Variants in ATP7A observed in about 807,000 individuals in gnomAD.
ATP7A encodes the protein copper-transporting ATPase 1.
Under a neutral mutation model 83.5 loss-of-function variants are expected in ATP7A, and 7 were observed. The ratio of observed to expected loss-of-function variants is 0.08; its 90% CI spans 0.05 to 0.16. The LOEUF (loss-of-function observed/expected upper bound fraction) is 0.16, where lower values mean the gene tolerates loss of function less well. Ranked by LOEUF, ATP7A falls within the 10% of genes least tolerant of loss-of-function variation. The pLI is 1.00. For missense variants in ATP7A, 940 were observed against 1,120.8 expected (o/e 0.84, Z 2.30); for synonymous variants, 354 against 395.2 (o/e 0.90, Z 1.24).
At chrX:78,041,932 G>A (rs1603391023) in intron 19 of ATP7A, among the ~76,000 whole-genome samples, 2 of 109,186 alleles carry the variant, frequency 1.8e-5, no homozygotes, top group South Asian at 8.1e-4. Flanking sequence ...AGCCTGGCCA[G>A]CATGGTGAAA....
intron 2 of ATP7A, among the ~76,000 whole-genome samples, chrX:77,985,474 A>G (rs189752611): frequency 9.0e-6 from 1 of 110,842 alleles, no homozygotes; most frequent in Admixed American, 9.7e-5. Flanking sequence ...TTACGTTGGT[A>G]CTTTATCAGA....
intron 4 of ATP7A, among the ~76,000 whole-genome samples, chrX:77,994,602 C>T (rs1205262203): frequency 4.5e-5 from 5 of 110,370 alleles, no homozygotes; most frequent in African/African-American, 6.6e-5. Context: ...TGCAGTGGCA[C>T]GATCACAGCT....
chrX:78,045,396 T>C (rs1298123837), intron 21 of ATP7A, 74 bp from the exon 22 acceptor site: 1 of 854,936 alleles, frequency 1.2e-6, no homozygotes, highest in African/African-American at 2.0e-5. Context: ...AGAAATGATT[T>C]GTATGTATGT....
At chrX:77,989,048 G>C (rs1369349997) in intron 3 of ATP7A, among the ~76,000 whole-genome samples, 185 bp from the exon 4 acceptor site, 1 of 110,717 alleles carries the variant, frequency 9.0e-6, no homozygotes, top group Non-Finnish European at 1.9e-5. Context: ...AGCTACAGTG[G>C]TCATATCTCT....
At chrX:77,945,270 C>CT (rs1367202413) in intron 1 of ATP7A, among the ~76,000 whole-genome samples, 1 of 111,929 alleles carries the variant, frequency 8.9e-6, no homozygotes, top group African/African-American at 3.2e-5. Context: ...CACTGCCTGC[C>CT]TGGCTCAGGT....
At chrX:77,940,525 A>C (rs782074071) in intron 1 of ATP7A, among the ~76,000 whole-genome samples, 1 of 111,668 alleles carries the variant, frequency 9.0e-6, no homozygotes, top group African/African-American at 3.2e-5. Context: ...TGTAAAGTAC[A>C]AAAGGTACTA....
intron 2 of ATP7A, among the ~76,000 whole-genome samples, chrX:77,974,492 C>T (rs1393151491): frequency 1.1e-4 from 12 of 109,973 alleles, no homozygotes; most frequent in Non-Finnish European, 1.9e-4. Flanking sequence ...TTTTTTTTCC[C>T]TTGTATTATC....
Position 78,012,981 on chromosome X carries a change from G to T in ATP7A, c.2275G>T (p.Ala759Ser), listed in dbSNP as rs2077837570. Reference protein sequence around the residue: ...LIVLATTIAFAYSLIILLVAM... With the variant: ...LIVLATTIAFSYSLIILLVAM... Reference sequence around the variant, plus strand: ...TGTGCTGGCAACCACCATTGCATTTGCCTACTCTTTGATTATTCTTCTAGT... The same window carrying T: ...TGTGCTGGCAACCACCATTGCATTTTCCTACTCTTTGATTATTCTTCTAGT... Residue 759 changes from alanine to serine, a missense_variant, in exon 10 of 23, where the codon GCC (alanine) becomes TCC (serine). Coordinates refer to ENST00000341514, the MANE Select transcript of ATP7A (RefSeq NM_000052.7). 2.5e-6 allele frequency: 3 copies of T among 1,209,157 alleles called. No homozygotes were observed. In the East Asian group the frequency reaches 8.9e-5, roughly 36 times the overall value.
rs782094358 is a variant in ATP7A at position 78,029,281 on chromosome X, C to T, written c.2948C>T (p.Thr983Met). Residue 983 changes from threonine (T) to methionine (M), a missense_variant, in exon 15 of 23, where the codon ACG becomes ATG. Physicochemically the swap from Thr to Met is moderately conservative, Grantham distance 81. Around this residue, in one of 3 missense-constraint regions of ATP7A, gnomAD observed 386 missense variants for 502.2 expected, o/e 0.77. Transcript: ENST00000341514. ...GYNRSISRTE[T>M]IIRFAFQASI... The stretch of plus-strand genomic sequence containing the variant: ...AATAGAAGTATCTCCCGAACAGAAA[C>T]GATAATACGATTTGCTTTCCAAGCC... 27 of 1,209,314 alleles carry T rather than the reference C, an allele frequency of 2.2e-5. No individual in the cohort carries two copies. Among genetic ancestry groups the T allele is most frequent in the East Asian group, 2.1e-4 (7 of 33,769 alleles).
chrX:77,943,981 T>C (rs1215186982), intron 1 of ATP7A, among the ~76,000 whole-genome samples: 5 of 112,388 alleles, frequency 4.4e-5, no homozygotes, highest in Admixed American at 9.5e-5. Flanking sequence ...ACACATCATA[T>C]GTTGATAAGT....
chrX:77,988,723 G>C lies in ATP7A; in HGVS notation c.602G>C (p.Arg201Pro). 1 of 1,210,849 alleles carries C rather than the reference G, an allele frequency of 8.3e-7. No individual in the cohort carries two copies. The highest frequency in any genetic ancestry group is 1.8e-5 in the South Asian group (1 of 56,909). The change falls in exon 3 of 23, where the codon CGA (arginine) becomes CCA (proline). Residue 201 changes from arginine (R) to proline (P), a missense_variant. Coordinates refer to ENST00000341514, the MANE Select transcript of ATP7A (RefSeq NM_000052.7). Reference protein sequence around the residue: ...GKIGKLQGVQRIKVSLDNQEA... With the variant: ...GKIGKLQGVQPIKVSLDNQEA... ...ATTGGGAAACTGCAAGGTGTTCAGC[G>C]AATTAAAGGTAATGTGTCTGGTGTT...
At chrX:77,971,568 T>C (rs782248448) in intron 1 of ATP7A, 53 bp from the exon 2 acceptor site, 5 of 1,145,314 alleles carry the variant, frequency 4.4e-6, no homozygotes, top group Non-Finnish European at 4.8e-6. Flanking sequence ...GGGGAAAAGT[T>C]GAGGAAAGAT....
intron 1 of ATP7A, among the ~76,000 whole-genome samples, chrX:77,911,583 CG>C (rs1185373550): frequency 3.5e-5 from 3 of 86,031 alleles, no homozygotes; most frequent in African/African-American, 1.3e-4. Context: ...TTGCCGGGTG[CG>C]GGGGGGTGGT....
intron 1 of ATP7A, among the ~76,000 whole-genome samples, chrX:77,956,272 G>C (rs2077440635): frequency 9.0e-6 from 1 of 111,253 alleles, no homozygotes; most frequent in Non-Finnish European, 1.9e-5. Flanking sequence ...TGTGTATAAG[G>C]GTTCCCTTTT....
intron 1 of ATP7A, chrX:77,966,793 T>TA (rs782573204): frequency 3.4e-5 from 11 of 328,350 alleles, no homozygotes; most frequent in East Asian, 9.8e-5. Context: ...TCATTTCTTC[T>TA]AAAAAAAACC....
intron 2 of ATP7A, among the ~76,000 whole-genome samples, chrX:77,972,602 C>T (rs1294341596): frequency 1.8e-5 from 2 of 112,016 alleles, no homozygotes; most frequent in Admixed American, 1.9e-4. Flanking sequence ...CTGCCCACCT[C>T]AGCCTTCCAA....
intron 1 of ATP7A, among the ~76,000 whole-genome samples, chrX:77,911,392 G>A (rs1374913702): frequency 1.8e-5 from 2 of 110,947 alleles, no homozygotes; most frequent in Non-Finnish European, 3.8e-5. Context: ...ACTTTTCTTC[G>A]TTGTAGACGT....
At position 78,040,709 on chromosome X, in the gene ATP7A, A is replaced by G; in HGVS notation, c.3777A>G (p.Lys1259=). 1 of 1,211,124 alleles carries G rather than the reference A, an allele frequency of 8.3e-7. No individual in the cohort carries two copies. The highest frequency in any genetic ancestry group is 1.1e-6 in the Non-Finnish European group (1 of 894,944). ...EVVLMTGDNS[K]TARSIASQVG... Reference sequence around the variant, plus strand: ...TTCTGATGACTGGAGACAACAGTAAAACAGCTAGATCTATTGCTTCTCAGG... The same window carrying G: ...TTCTGATGACTGGAGACAACAGTAAGACAGCTAGATCTATTGCTTCTCAGG... The change falls in exon 19 of 23, where the codon AAA becomes AAG. Residue 1259 remains lysine, a synonymous_variant. Transcript: ENST00000341514.
rs1025091745 is a variant in ATP7A at position 78,014,349 on chromosome X, G to A, written c.2407-313G>A. On this transcript the variant is annotated intron_variant, in intron 10 of 22. Transcript: ENST00000341514. ...GAACCCAGGAGGCAGGGGTTGCAGT[G>A]AGCCGAGATCATGCTACTGCACTCC... Among the ~76,000 whole-genome samples the A allele has an allele frequency of 4.1e-4, 45 of 109,951 alleles. 2 individuals carry two copies. The highest frequency in any genetic ancestry group is 1.9e-5 in the Non-Finnish European group (1 of 52,856).
Sources: allele counts gnomAD v4.1 joint callset (sites outside exome capture counted in the v4.1 genomes callset), GRCh38; gene constraint gnomAD v4.1.1; regional missense constraint gnomAD v4.1.1; transcripts MANE v1.5; gene names NCBI Gene and HGNC (gene_info 2026-07-23, HGNC 2026-07-21).